Variants in SORCS3 observed in about 807,000 individuals in gnomAD.
SORCS3 encodes the protein sortilin related VPS10 domain containing receptor 3.
Under a neutral mutation model 146.3 loss-of-function variants are expected in SORCS3, and 57 were observed. That is an observed-to-expected ratio of 0.39 (90% confidence interval 0.31 to 0.49). The LOEUF (loss-of-function observed/expected upper bound fraction) is 0.49, where lower values mean the gene tolerates loss of function less well. SORCS3 is among the 20% of genes least tolerant of loss of function. The pLI is 0.92. For missense variants in SORCS3, 1,341 were observed against 1,575.5 expected (o/e 0.85, Z 2.52); for synonymous variants, 653 against 618.5 (o/e 1.06, Z -0.83).
intron 4 of SORCS3, among the ~76,000 whole-genome samples, chr10:105,013,337 T>C (rs2055146161): frequency 6.6e-6 from 1 of 152,068 alleles, no homozygotes; most frequent in Non-Finnish European, 1.5e-5. Flanking sequence ...GACTAAGACA[T>C]GGATACTCAG....
chr10:104,687,762 C>G (rs1356566898), intron 1 of SORCS3, among the ~76,000 whole-genome samples: 1 of 152,126 alleles, frequency 6.6e-6, no homozygotes, highest in East Asian at 1.9e-4. Flanking sequence ...GCTCTGGAGT[C>G]TGACTCTGGT....
At chr10:104,893,123 A>G (rs1048471094) in intron 2 of SORCS3, among the ~76,000 whole-genome samples, 5 of 152,180 alleles carry the variant, frequency 3.3e-5, no homozygotes, top group Non-Finnish European at 7.3e-5. Context: ...TTATTAGCAC[A>G]CTAGTTCATT....
intron 7 of SORCS3, among the ~76,000 whole-genome samples, chr10:105,116,937 A>AT (rs1198057421): frequency 1.3e-5 from 2 of 152,124 alleles, no homozygotes; most frequent in African/African-American, 4.8e-5. Context: ...ATTAGGTACT[A>AT]TACTTATTAC....
intron 2 of SORCS3, among the ~76,000 whole-genome samples, chr10:104,898,933 A>G (rs1274189401): frequency 6.6e-6 from 1 of 152,208 alleles, no homozygotes; most frequent in Non-Finnish European, 1.5e-5. Flanking sequence ...TTGCTGTTGC[A>G]GTTAGTTGCT....
intron 1 of SORCS3, among the ~76,000 whole-genome samples, chr10:104,710,379 T>G (rs567546218): frequency 6.6e-6 from 1 of 152,214 alleles, no homozygotes; most frequent in Non-Finnish European, 1.5e-5. Flanking sequence ...TTCTTAGGTG[T>G]CTACTATGTA....
chr10:105,081,286 C>T (rs753802557), intron 5 of SORCS3, among the ~76,000 whole-genome samples: 2 of 152,040 alleles, frequency 1.3e-5, no homozygotes, highest in African/African-American at 2.4e-5. Flanking sequence ...AAATAATACT[C>T]ACAAAGAAGA....
chr10:105,101,346 C>A (rs1404506043), intron 6 of SORCS3, among the ~76,000 whole-genome samples: 1 of 152,156 alleles, frequency 6.6e-6, no homozygotes, highest in Non-Finnish European at 1.5e-5. Context: ...GACCGCCAGG[C>A]CTGCCTGACA....
At position 104,801,684 on chromosome 10, in the gene SORCS3, C is replaced by G. The variant is rs1256364941; in HGVS notation, c.628-41108C>G. On this transcript the variant is annotated intron_variant, in intron 1 of 26. Transcript: ENST00000369701. The stretch of plus-strand genomic sequence containing the variant: ...CATGATTTTTACATCTTAGGACTTT[C>G]ATCTAGGGATGTATGTTTTGAAGCA... Among the ~76,000 whole-genome samples, 3 of 152,208 alleles carry G rather than the reference C, an allele frequency of 2.0e-5. No individual in the cohort carries two copies. The East Asian group carries it at 5.8e-4, about 29-fold the overall frequency.
intron 13 of SORCS3, among the ~76,000 whole-genome samples, chr10:105,175,362 C>A (rs369596636): frequency 5.9e-5 from 9 of 151,972 alleles, no homozygotes; most frequent in Admixed American, 1.3e-4. Flanking sequence ...CTCATGCTAA[C>A]CTTTTATTGA....
At chr10:104,975,662 A>G (rs889839826) in intron 3 of SORCS3, among the ~76,000 whole-genome samples, 3 of 152,198 alleles carry the variant, frequency 2.0e-5, no homozygotes, top group Admixed American at 6.5e-5. Context: ...TTCAAACTAT[A>G]CTACAAGGCT....
At chr10:104,852,352 A>C (rs914435166) in intron 2 of SORCS3, among the ~76,000 whole-genome samples, 3 of 152,202 alleles carry the variant, frequency 2.0e-5, no homozygotes, top group African/African-American at 7.2e-5. Flanking sequence ...CTGGCCTTAC[A>C]GATTTGGCAA....
intron 5 of SORCS3, among the ~76,000 whole-genome samples, chr10:105,081,363 G>T (rs892060715): frequency 6.6e-6 from 1 of 152,126 alleles, no homozygotes; most frequent in Non-Finnish European, 1.5e-5. Flanking sequence ...TTATGAAGAG[G>T]CTGGTACTAA....
At chr10:104,707,374 T>C (rs1194733135) in intron 1 of SORCS3, among the ~76,000 whole-genome samples, 1 of 152,204 alleles carries the variant, frequency 6.6e-6, no homozygotes, top group African/African-American at 2.4e-5. Flanking sequence ...GATATTCTTA[T>C]AAATATTAAT....
At chr10:105,214,854 A>G (rs2056656031) in intron 18 of SORCS3, among the ~76,000 whole-genome samples, 2 of 152,224 alleles carry the variant, frequency 1.3e-5, no homozygotes, top group Admixed American at 6.5e-5. Flanking sequence ...TGGAGCATGC[A>G]GATCTGGATA....
At chr10:104,855,405 T>G (rs2018319072) in intron 2 of SORCS3, among the ~76,000 whole-genome samples, 1 of 152,174 alleles carries the variant, frequency 6.6e-6, no homozygotes, top group Non-Finnish European at 1.5e-5. Context: ...TATAAGTGAA[T>G]TTGTGGACTA....
At position 105,070,867 on chromosome 10, in the gene SORCS3, C is replaced by T. The variant is rs540063529; in HGVS notation, c.1029-18908C>T. Among the ~76,000 whole-genome samples the T allele has an allele frequency of 8.5e-5, 13 of 152,312 alleles. No individual in the cohort carries two copies. In the South Asian group the frequency reaches 2.7e-3, roughly 32 times the overall value. On this transcript the variant is annotated intron_variant, in intron 5 of 26. Transcript: ENST00000369701. ...CAGCAAGTGAACAAATTGAAACTTC[C>T]TTCCCAGGCTTTCTAGAATCCCCCA...
rs769722424 is a variant in SORCS3, at chr10:105,214,587, G to A, written c.2521G>A (p.Ala841Thr). 2 of 1,598,784 alleles carry A rather than the reference G, an allele frequency of 1.3e-6. No homozygotes were observed. Among genetic ancestry groups the A allele is most frequent in the Non-Finnish European group, 8.5e-7 (1 of 1,172,202 alleles). Residue 841 changes from alanine to threonine, a missense_variant, in exon 18 of 27, where the codon GCA becomes ACA. Transcript: ENST00000369701. Reference protein sequence around the residue: ...GRLVAEQGHNATFIILMEEGD... With the variant: ...GRLVAEQGHNTTFIILMEEGD... ...GCTGGTGGCAGAGCAGGGGCACAAT[G>A]CAACTTTCATCATCCTCATGGAGGA...
chr10:104,696,587 ATT>A (rs1491574332), intron 1 of SORCS3, among the ~76,000 whole-genome samples: 7 of 101,208 alleles, frequency 6.9e-5, no homozygotes, highest in South Asian at 2.5e-4. Flanking sequence ...TATAATATAT[ATT>A]ATATACGTAT....
At chr10:105,041,127 T>G (rs1412103179) in intron 4 of SORCS3, among the ~76,000 whole-genome samples, 2 of 148,190 alleles carry the variant, frequency 1.3e-5, no homozygotes, top group Non-Finnish European at 3.0e-5. Context: ...ATCTTTTATT[T>G]TCAGAGCTTG....
Sources: gnomAD v4.1 joint callset for allele counts (sites outside exome capture counted in the v4.1 genomes callset) on GRCh38, gnomAD v4.1.1 for gene constraint, MANE v1.5 for transcripts, NCBI Gene and HGNC (gene_info 2026-07-23, HGNC 2026-07-21) for gene names.